Variants in ATP13A4 observed in about 807,000 individuals in gnomAD.
ATP13A4 encodes the protein ATPase 13A4.
A neutral mutation model predicts 142.5 loss-of-function variants in ATP13A4; 114 were observed. The observed-to-expected ratio is 0.80, with a 90% CI of 0.69 to 0.93. The LOEUF is 0.93. Among genes scored for constraint, ATP13A4 ranks in the 40% least tolerant of loss-of-function variants. The pLI, the probability that ATP13A4 is intolerant of heterozygous loss-of-function variation, is 0.00. For synonymous variants in ATP13A4, 488 were observed against 514.8 expected, an observed-to-expected ratio of 0.95 and a Z score of 0.70; for missense variants, 1,392 against 1,454.0, an observed-to-expected ratio of 0.96 and a Z score of 0.69.
chr3:193,416,754 T>A (rs1045080399), intron 25 of ATP13A4, among the ~76,000 whole-genome samples: 3 of 152,056 alleles, frequency 2.0e-5, no homozygotes, highest in African/African-American at 7.2e-5. Context: ...GACCAACATG[T>A]ACGTTGTGGG....
rs1022855897 is a variant in ATP13A4, at chr3:193,491,514, A to G, written c.534-116T>C. The G allele has an allele frequency of 1.9e-5, 15 of 800,826 alleles. No homozygotes were observed. In the African/African-American group the frequency reaches 2.0e-4, roughly 11 times the overall value. The allele number at this position is 800,826 out of a possible 1,614,324, so 49.6% of individuals were successfully genotyped here. A position where few individuals can be genotyped will look rare whatever the true frequency, so the allele number is the denominator to read the frequency against. Reference sequence around the variant, plus strand: ...ACTTTCTCACTTGTGAGACCAACATAAGTCTCCCTTGTTAAATACCATTCT... The same window carrying G: ...ACTTTCTCACTTGTGAGACCAACATGAGTCTCCCTTGTTAAATACCATTCT... On this transcript the variant is annotated intron_variant, in intron 5 of 29. Transcript: ENST00000342695.
At chr3:193,456,413 G>T (rs866407607) in intron 16 of ATP13A4, among the ~76,000 whole-genome samples, 3 of 152,162 alleles carry the variant, frequency 2.0e-5, no homozygotes, top group Admixed American at 1.3e-4. Flanking sequence ...AGGCATGGAG[G>T]CATGAGAGTA....
chr3:193,466,480 A>C (rs757948517), intron 10 of ATP13A4, among the ~76,000 whole-genome samples: 12 of 152,234 alleles, frequency 7.9e-5, no homozygotes, highest in Non-Finnish European at 1.3e-4. Context: ...TTATTTTAAG[A>C]AAATGACTCA....
intron 17 of ATP13A4, among the ~76,000 whole-genome samples, chr3:193,453,438 G>C (rs1717399714): frequency 6.6e-6 from 1 of 151,606 alleles, no homozygotes; most frequent in Non-Finnish European, 1.5e-5. Context: ...TGACATGAAA[G>C]GTGAAATAAA....
intron 1 of ATP13A4, among the ~76,000 whole-genome samples, chr3:193,537,723 G>A (rs544189072): frequency 6.6e-6 from 1 of 152,248 alleles, no homozygotes; most frequent in African/African-American, 2.4e-5. Context: ...CCTGCAATGA[G>A]TGAATGGTTA....
chr3:193,441,215 A>T (rs1221534891), intron 20 of ATP13A4, among the ~76,000 whole-genome samples: 1 of 152,182 alleles, frequency 6.6e-6, no homozygotes, highest in Non-Finnish European at 1.5e-5. Flanking sequence ...AATCATCTGT[A>T]TAATTCAAGA....
At chr3:193,478,851 T>C (rs887022495) in intron 8 of ATP13A4, among the ~76,000 whole-genome samples, 1 of 151,582 alleles carries the variant, frequency 6.6e-6, no homozygotes, top group Non-Finnish European at 1.5e-5. Context: ...CTGATGAACA[T>C]AGATGCAAAA....
At position 193,488,761 on chromosome 3, in the gene ATP13A4, C is replaced by T. The variant is rs142982560; in HGVS notation, c.738+969G>A. ...ATAGTAGTAGCTGAAGGCAGAAGCA[C>T]GGTCAAGAGAAGAAATTGTTTTGTT... On this transcript the variant is annotated intron_variant, in intron 7 of 29. Transcript: ENST00000342695. 1.2e-4 allele frequency among the ~76,000 whole-genome samples: 18 copies of T among 152,224 alleles called. No homozygotes were observed. The East Asian group carries it at 2.9e-3, about 24-fold the overall frequency.
intron 11 of ATP13A4, 66 bp from the exon 12 acceptor site, chr3:193,465,194 C>CTT (rs374314805): frequency 6.6e-5 from 85 of 1,294,844 alleles, no homozygotes; most frequent in African/African-American, 5.1e-4. Context: ...GACTCTTTGC[C>CTT]TTTTTTTTTT....
At chr3:193,437,575 T>G (rs1296510173) in intron 23 of ATP13A4, among the ~76,000 whole-genome samples, 1 of 152,132 alleles carries the variant, frequency 6.6e-6, no homozygotes, top group African/African-American at 2.4e-5. Flanking sequence ...TCAATTAAAT[T>G]TTCTGAACTT....
At chr3:193,439,197 G>C in intron 21 of ATP13A4, 132 bp from the exon 22 acceptor site, 5 of 937,044 alleles carry the variant, frequency 5.3e-6, no homozygotes, top group Admixed American at 1.9e-5. Context: ...TAAGAGTCTA[G>C]TTTGACTGAA....
intron 2 of ATP13A4, among the ~76,000 whole-genome samples, chr3:193,565,239 A>G (rs1485216348): frequency 6.6e-6 from 1 of 152,192 alleles, no homozygotes; most frequent in Non-Finnish European, 1.5e-5. Flanking sequence ...CTGATCTAGA[A>G]CAAATTATTT....
chr3:193,414,847 A>G (rs1714973021), intron 25 of ATP13A4, 97 bp from the exon 26 acceptor site: 1 of 1,217,760 alleles, frequency 8.2e-7, no homozygotes, highest in Non-Finnish European at 1.2e-6. Flanking sequence ...CATTTGAGGA[A>G]ATGGACAAAC....
chr3:193,585,364 G>A (rs1335507875), intron 1 of ATP13A4, among the ~76,000 whole-genome samples: 2 of 152,104 alleles, frequency 1.3e-5, no homozygotes, highest in Non-Finnish European at 2.9e-5. Context: ...AGGCTGCAGT[G>A]AGCTGAGATC....
At chr3:193,568,980 T>C (rs533339953) in intron 2 of ATP13A4, among the ~76,000 whole-genome samples, 1 of 152,340 alleles carries the variant, frequency 6.6e-6, no homozygotes, top group East Asian at 1.9e-4. Flanking sequence ...TCAAACAATT[T>C]ATGTAGATAC....
At chr3:193,472,479 T>C (rs1718682367) in intron 8 of ATP13A4, among the ~76,000 whole-genome samples, 1 of 152,230 alleles carries the variant, frequency 6.6e-6, no homozygotes, top group Non-Finnish European at 1.5e-5. Context: ...AAGTGCTTCC[T>C]TTAAGTGAAA....
At position 193,577,118 on chromosome 3, in the gene ATP13A4, C is replaced by T. The variant is rs537838805; in HGVS notation, n.291+4589G>A. Among the ~76,000 whole-genome samples, 35 of 152,326 alleles carry T rather than the reference C, an allele frequency of 2.3e-4. No individual in the cohort carries two copies. The South Asian group carries it at 7.3e-3, about 32-fold the overall frequency. ...TCCTAAGAGGCCTCCTGGTTTTAGTCTTCCACCTATAACCAACACCACATC... is the reference window on the plus strand; with the variant it reads ...TCCTAAGAGGCCTCCTGGTTTTAGTTTTCCACCTATAACCAACACCACATC... On this transcript the variant is annotated intron_variant and non_coding_transcript_variant, in intron 2 of 3. Coordinates refer to the ATP13A4 transcript ENST00000489140.
chr3:193,515,105 T>G (rs555009549), intron 1 of ATP13A4, among the ~76,000 whole-genome samples: 2 of 152,254 alleles, frequency 1.3e-5, no homozygotes, highest in Admixed American at 1.3e-4. Context: ...TTCTATCATT[T>G]GAGCACCTAG....
intron 7 of ATP13A4, among the ~76,000 whole-genome samples, chr3:193,484,561 G>C (rs1053849667): frequency 1.3e-5 from 2 of 152,016 alleles, no homozygotes; most frequent in Non-Finnish European, 2.9e-5. Context: ...TGTTCATTTT[G>C]TCGTCCTGAT....
Sources: allele counts gnomAD v4.1 joint callset (sites outside exome capture counted in the v4.1 genomes callset), GRCh38; gene constraint gnomAD v4.1.1; transcripts MANE v1.5; gene names NCBI Gene and HGNC (gene_info 2026-07-23, HGNC 2026-07-21).